Variants in BTD observed in about 807,000 individuals in gnomAD.
The protein encoded by BTD is biotinidase.
A neutral mutation model predicts 17.7 loss-of-function variants in BTD; 13 were observed. That is an observed-to-expected ratio of 0.74 (90% CI 0.48 to 1.17). The LOEUF (loss-of-function observed/expected upper bound fraction) is 1.17, where lower values mean the gene tolerates loss of function less well. Among genes scored for constraint, BTD ranks in the 50% most tolerant of loss-of-function variants. The probability of loss-of-function intolerance (pLI) is 0.00; values close to 1 mark genes in which losing one functional copy is unlikely to be tolerated. For missense variants in BTD, 674 were observed against 650.4 expected (o/e 1.04, Z -0.39); for synonymous variants, 240 against 245.2 (o/e 0.98, Z 0.20).
intron 3 of BTD, chr3:15,669,325 T>TA (rs892240411): frequency 6.6e-6 from 1 of 152,204 alleles, no homozygotes; most frequent in Non-Finnish European, 1.5e-5. Flanking sequence ...GTGCCATTCA[T>TA]AGAGAGGTTG....
At chr3:15,670,508 C>G in intron 3 of BTD, 3 of 1,613,902 alleles carry the variant, frequency 1.9e-6, no homozygotes, top group Non-Finnish European at 2.5e-6. Context: ...GAGAGCCAGG[C>G]AATCAGCCAC....
intron 3 of BTD, among the ~76,000 whole-genome samples, chr3:15,660,022 G>A (rs1026470417): frequency 8.5e-5 from 13 of 152,180 alleles, no homozygotes; most frequent in Admixed American, 5.9e-4. Flanking sequence ...GAAAATATAA[G>A]CAAGAATAAG....
rs1221436535 is a variant in BTD, at chr3:15,631,636, G to A, written c.-16-3788G>A. ...TTCCTGATCAGGACTGGTGTTGGGG[G>A]AATGTTTTCCTTATGAAATCAGAAG... is the stretch of plus-strand genomic sequence containing the variant. On this transcript the variant is annotated intron_variant, in intron 1 of 3. Transcript: ENST00000643237. 3.9e-5 allele frequency: 28 copies of A among 723,050 alleles called. No homozygotes were observed. In the East Asian group the frequency reaches 6.6e-4, roughly 17 times the overall value. 44.8% of individuals were successfully genotyped at this position (723,050 alleles called of 1,614,324 possible).
chr3:15,700,568 G>C (rs1040414571), intron 3 of BTD, among the ~76,000 whole-genome samples: 4 of 152,130 alleles, frequency 2.6e-5, no homozygotes, highest in Non-Finnish European at 5.9e-5. Context: ...GAGGCCAAGA[G>C]ATCAAGACCA....
At chr3:15,690,023 T>C in intron 3 of BTD, 1 of 1,605,482 alleles carries the variant, frequency 6.2e-7, no homozygotes, top group South Asian at 1.1e-5. Context: ...GCATACCTGC[T>C]GCATGAATAG....
intron 4 of BTD, among the ~76,000 whole-genome samples, chr3:15,721,632 A>G (rs1435968991): frequency 2.0e-5 from 3 of 152,210 alleles, no homozygotes; most frequent in Non-Finnish European, 4.4e-5. Context: ...TATTTAATTC[A>G]TTTTTTGCCA....
At chr3:15,715,284 T>C (rs2072870954), downstream of BTD, among the ~76,000 whole-genome samples, 1 of 152,200 alleles carries the variant, frequency 6.6e-6, no homozygotes, top group African/African-American at 2.4e-5. Flanking sequence ...ACATACATGT[T>C]ACCAACGCAA....
intron 1 of BTD, among the ~76,000 whole-genome samples, chr3:15,616,150 C>A (rs960166481): frequency 6.6e-6 from 1 of 152,098 alleles, no homozygotes; most frequent in South Asian, 2.1e-4. Flanking sequence ...TTTTCTACTC[C>A]TTTGGGTAAA....
intron 1 of BTD, among the ~76,000 whole-genome samples, chr3:15,613,488 ACTCCCTT>A (rs1559579410): frequency 6.7e-6 from 1 of 148,354 alleles, no homozygotes; most frequent in Admixed American, 6.7e-5. Context: ...TCTATTCCCC[ACTCCCTT>A]CTCCCTTCTC....
intron 3 of BTD, among the ~76,000 whole-genome samples, chr3:15,702,778 C>T (rs2070795733): frequency 6.6e-6 from 1 of 152,072 alleles, no homozygotes; most frequent in African/African-American, 2.4e-5. Context: ...CCTCCCTCCT[C>T]TCTACTCTTC....
rs1421988738 is a variant in BTD, at chr3:15,635,209, G to T, written c.-16-215G>T. On this transcript the variant is annotated intron_variant, in intron 1 of 3. Coordinates refer to ENST00000643237, the MANE Select transcript of BTD (RefSeq NM_001370658.1). The surrounding 1 kb of genome is among the most constrained non-coding windows in gnomAD (Gnocchi z 4.1). Reference sequence around the variant, plus strand: ...CTGTTTTGGAAATGTTCTAAAACCAGACTATTAACACAGTGAGCCATTTTA... The same window carrying T: ...CTGTTTTGGAAATGTTCTAAAACCATACTATTAACACAGTGAGCCATTTTA... Among the ~76,000 whole-genome samples the T allele has an allele frequency of 6.6e-6, 1 of 152,192 alleles. No homozygotes were observed. The highest frequency in any genetic ancestry group is 1.5e-5 in the Non-Finnish European group (1 of 68,020).
At chr3:15,659,013 C>A (rs1025620043) in intron 3 of BTD, among the ~76,000 whole-genome samples, 2 of 152,166 alleles carry the variant, frequency 1.3e-5, no homozygotes, top group Non-Finnish European at 2.9e-5. Context: ...TATCTGTCCC[C>A]ATGTCCAGTT....
intron 3 of BTD, among the ~76,000 whole-genome samples, chr3:15,642,654 G>C (rs2065552026): frequency 6.6e-6 from 1 of 151,728 alleles, no homozygotes; most frequent in African/African-American, 2.4e-5. Context: ...AGTAGAGATG[G>C]GGTTTCACCA....
chr3:15,692,046 G>A (rs549049758), intron 3 of BTD, among the ~76,000 whole-genome samples: 20 of 151,724 alleles, frequency 1.3e-4, no homozygotes, highest in Middle Eastern at 3.4e-3. Context: ...AGGCTGAGGC[G>A]GAAGTATCAC....
intron 3 of BTD, among the ~76,000 whole-genome samples, chr3:15,670,814 C>T (rs1208128845): frequency 6.6e-6 from 1 of 152,198 alleles, no homozygotes; most frequent in Non-Finnish European, 1.5e-5. Flanking sequence ...CCCAAGGTCT[C>T]ACAACTTATC....
At chr3:15,686,254 C>T in intron 3 of BTD, 1 of 1,593,656 alleles carries the variant, frequency 6.3e-7, no homozygotes, top group Non-Finnish European at 8.6e-7. Context: ...CCACTGCATT[C>T]TGTGGTTCTG....
chr3:15,696,708 G>C (rs2069627285), intron 3 of BTD, among the ~76,000 whole-genome samples: 1 of 151,886 alleles, frequency 6.6e-6, no homozygotes, highest in South Asian at 2.1e-4. Flanking sequence ...AGAAACCAAG[G>C]TCAGAACTCA....
At chr3:15,696,899 A>G (rs894623692) in intron 3 of BTD, among the ~76,000 whole-genome samples, 14 of 152,228 alleles carry the variant, frequency 9.2e-5, no homozygotes, top group African/African-American at 3.1e-4. Flanking sequence ...AGGAACAAAA[A>G]GTAACACTAC....
intron 1 of BTD, among the ~76,000 whole-genome samples, chr3:15,607,791 A>G (rs925748010): frequency 4.6e-5 from 7 of 152,248 alleles, no homozygotes; most frequent in African/African-American, 1.7e-4. Context: ...GAAACAACAA[A>G]AAAAGGAGTC....
Sources: gnomAD v4.1 joint callset for allele counts (sites outside exome capture counted in the v4.1 genomes callset) on GRCh38, gnomAD v4.1.1 for gene constraint, Gnocchi (gnomAD v3.1) non-coding constraint, MANE v1.5 for transcripts, NCBI Gene and HGNC (gene_info 2026-07-23, HGNC 2026-07-21) for gene names.